NELL1: variants seen among roughly 807,000 people sequenced by gnomAD.
NELL1 encodes the protein protein kinase C-binding protein NELL1.
A neutral mutation model predicts 107.4 loss-of-function variants in NELL1; 76 were observed. The observed-to-expected ratio is 0.71, with a 90% CI of 0.59 to 0.86. The LOEUF (loss-of-function observed/expected upper bound fraction) is 0.86. NELL1 is among the 40% of genes least tolerant of loss of function. The pLI, the probability that NELL1 is intolerant of heterozygous loss-of-function variation, is 0.00. For missense variants in NELL1, 1,024 were observed against 1,005.5 expected, an observed-to-expected ratio of 1.02 and a Z score of -0.25; for synonymous variants, 353 against 341.2, an observed-to-expected ratio of 1.03 and a Z score of -0.38.
At chr11:21,421,207 A>G (rs1852659668) in intron 15 of NELL1, among the ~76,000 whole-genome samples, 3 of 152,226 alleles carry the variant, frequency 2.0e-5, no homozygotes, top group Admixed American at 2.0e-4. Context: ...TGGAATAGGT[A>G]GCACCAGGAA....
intron 15 of NELL1, among the ~76,000 whole-genome samples, chr11:21,489,417 A>AAAAAAAG (rs1554922057): frequency 1.3e-5 from 2 of 149,640 alleles, no homozygotes; most frequent in Non-Finnish European, 3.0e-5. Context: ...AACAGAAGAA[A>AAAAAAAG]AGGGAACTCT....
At chr11:20,691,782 G>A (rs11511869) in intron 2 of NELL1, among the ~76,000 whole-genome samples, 18,896 of 151,704 alleles carry the variant, frequency 0.12, 1,243 homozygotes, top group African/African-American at 0.15. Flanking sequence ...TTGGTATCAG[G>A]ATGATGCTGG....
chr11:21,291,618 A>G (rs1849264755), intron 14 of NELL1, among the ~76,000 whole-genome samples: 3 of 152,184 alleles, frequency 2.0e-5, no homozygotes, highest in African/African-American at 7.2e-5. Context: ...AGATACAACA[A>G]CAAAAAAAGA....
intron 2 of NELL1, among the ~76,000 whole-genome samples, chr11:20,699,755 G>T (rs1204779377): frequency 1.3e-5 from 2 of 152,194 alleles, no homozygotes; most frequent in Admixed American, 6.5e-5. Flanking sequence ...GCATGTGCAA[G>T]TTTCTTTTTT....
intron 2 of NELL1, among the ~76,000 whole-genome samples, chr11:20,710,564 T>A (rs1267149989): frequency 6.6e-6 from 1 of 152,206 alleles, no homozygotes; most frequent in Non-Finnish European, 1.5e-5. Context: ...TTTCACAGAA[T>A]GATTTAGGGA....
intron 13 of NELL1, among the ~76,000 whole-genome samples, chr11:21,202,997 G>A (rs953906040): frequency 1.5e-4 from 22 of 150,600 alleles, no homozygotes; most frequent in Admixed American, 6.6e-4. Context: ...AGACTGTTAC[G>A]ACTTCCGTTC....
At chr11:21,145,365 G>A (rs1379541129) in intron 13 of NELL1, among the ~76,000 whole-genome samples, 3 of 152,070 alleles carry the variant, frequency 2.0e-5, no homozygotes, top group South Asian at 4.1e-4. Flanking sequence ...AAACTGATTA[G>A]GTACCTGACA....
chr11:20,885,435 C>G lies in NELL1; in HGVS notation c.507-9C>G, dbSNP rs755342363. ...TCTCTATTAGTAACTGTGTTCTTTG[C>G]CTTTACAGGATTTATGAGCGTGTGA... On this transcript the variant is annotated splice_polypyrimidine_tract_variant and intron_variant, in intron 4 of 19. Coordinates refer to ENST00000357134, the MANE Select transcript of NELL1 (RefSeq NM_006157.5). 1 of 1,574,936 alleles carries G rather than the reference C, an allele frequency of 6.3e-7. No homozygotes were observed. The highest frequency in any genetic ancestry group is 8.7e-7 in the Non-Finnish European group (1 of 1,144,456).
intron 2 of NELL1, among the ~76,000 whole-genome samples, chr11:20,748,179 C>T (rs1856046068): frequency 6.6e-6 from 1 of 152,024 alleles, no homozygotes; most frequent in South Asian, 2.1e-4. Flanking sequence ...TAGTGTTGCA[C>T]CTAGGATAGA....
chr11:21,040,477 C>T (rs1248271130), intron 12 of NELL1, among the ~76,000 whole-genome samples: 1 of 152,056 alleles, frequency 6.6e-6, no homozygotes, highest in Non-Finnish European at 1.5e-5. Context: ...TATACCTGTG[C>T]CTATATTCCT....
At chr11:20,724,418 G>A (rs913950702) in intron 2 of NELL1, among the ~76,000 whole-genome samples, 2 of 152,086 alleles carry the variant, frequency 1.3e-5, no homozygotes, top group Non-Finnish European at 2.9e-5. Context: ...GAATAAGACA[G>A]GTCACCTCTT....
chr11:21,051,809 A>T (rs1206306357), intron 12 of NELL1, among the ~76,000 whole-genome samples: 1 of 152,022 alleles, frequency 6.6e-6, no homozygotes, highest in Admixed American at 6.6e-5. Flanking sequence ...ACAATGCATC[A>T]GGCATGGTTC....
intron 15 of NELL1, among the ~76,000 whole-genome samples, chr11:21,471,425 C>G (rs1010695916): frequency 6.6e-6 from 1 of 152,008 alleles, no homozygotes. Flanking sequence ...AACAAGCCAT[C>G]TTTTCTAGCT....
intron 15 of NELL1, among the ~76,000 whole-genome samples, chr11:21,395,866 C>A (rs1851968343): frequency 6.6e-6 from 1 of 151,108 alleles, no homozygotes; most frequent in African/African-American, 2.4e-5. Context: ...CAAAAAAAAT[C>A]AACCAAGTGT....
At chr11:20,678,738 A>T (rs79775892) in intron 2 of NELL1, among the ~76,000 whole-genome samples, 2 of 152,136 alleles carry the variant, frequency 1.3e-5, no homozygotes, top group African/African-American at 4.8e-5. Flanking sequence ...AGGGATGGAA[A>T]GGCAGAAAAA....
chr11:21,260,189 C>A (rs1858870134), intron 14 of NELL1: 1 of 151,766 alleles, frequency 6.6e-6, no homozygotes, highest in Non-Finnish European at 1.5e-5. Flanking sequence ...CAGGCTTTTC[C>A]CCACAAATGA....
At chr11:21,225,042 G>A (rs1735505480) in intron 13 of NELL1, among the ~76,000 whole-genome samples, 1 of 151,910 alleles carries the variant, frequency 6.6e-6, no homozygotes, top group Non-Finnish European at 1.5e-5. Flanking sequence ...TGGGATATAG[G>A]GTGCTACACA....
chr11:21,355,482 G>A (rs1317896884), intron 14 of NELL1, among the ~76,000 whole-genome samples: 2 of 152,152 alleles, frequency 1.3e-5, no homozygotes, highest in African/African-American at 4.8e-5. Context: ...AGATAAGGAA[G>A]GTGATACTTC....
chr11:20,877,592 G>A (rs996366566), intron 4 of NELL1, among the ~76,000 whole-genome samples: 3 of 152,092 alleles, frequency 2.0e-5, no homozygotes, highest in Non-Finnish European at 2.9e-5. Flanking sequence ...CACTTGTTAG[G>A]GAGAGTGTTT....
Sources: gnomAD v4.1 joint callset for allele counts (sites outside exome capture counted in the v4.1 genomes callset) on GRCh38, gnomAD v4.1.1 for gene constraint, MANE v1.5 for transcripts, NCBI Gene and HGNC (gene_info 2026-07-23, HGNC 2026-07-21) for gene names.